Variants in LRP1B observed in about 807,000 individuals in gnomAD.
The protein encoded by LRP1B is LDL receptor related protein 1B.
In LRP1B, 217 loss-of-function variants were observed where a neutral mutation model predicts 556.6. The ratio of observed to expected loss-of-function variants is 0.39; its 90% CI spans 0.35 to 0.44. The LOEUF is 0.44. Among genes scored for constraint, LRP1B ranks in the 20% least tolerant of loss-of-function variants. The probability of loss-of-function intolerance (pLI) is 1.00; values close to 1 mark genes in which losing one functional copy is unlikely to be tolerated. For missense variants in LRP1B, 5,053 were observed against 5,620.8 expected (o/e 0.90, Z 3.23); for synonymous variants, 2,047 against 1,865.8 (o/e 1.10, Z -2.50).
intron 1 of LRP1B, among the ~76,000 whole-genome samples, chr2:142,004,727 T>A (rs1413263199): frequency 1.3e-5 from 2 of 151,416 alleles, no homozygotes; most frequent in Non-Finnish European, 2.9e-5. Flanking sequence ...GTGCCGGTAA[T>A]CCCAGCTACT....
chr2:140,731,710 G>A (rs1455215641), intron 35 of LRP1B, among the ~76,000 whole-genome samples: 1 of 139,552 alleles, frequency 7.2e-6, no homozygotes, highest in Non-Finnish European at 1.5e-5. Flanking sequence ...GGAGCTTGCA[G>A]TGAGCCGAGA....
At chr2:142,120,053 C>A (rs1178043143) in intron 1 of LRP1B, among the ~76,000 whole-genome samples, 3 of 136,338 alleles carry the variant, frequency 2.2e-5, no homozygotes, top group Admixed American at 1.5e-4. Context: ...ATCATAAACT[C>A]TTACCTGGTA....
chr2:141,117,599 C>G (rs747412787), intron 7 of LRP1B, among the ~76,000 whole-genome samples: 10 of 151,988 alleles, frequency 6.6e-5, no homozygotes, highest in Non-Finnish European at 1.5e-4. Context: ...TGATTTTTAA[C>G]TTCGTGGTTA....
chr2:140,595,216 A>T (rs1269508917), intron 43 of LRP1B, among the ~76,000 whole-genome samples: 1 of 148,688 alleles, frequency 6.7e-6, no homozygotes, highest in Non-Finnish European at 1.5e-5. Flanking sequence ...GCTTGAATGG[A>T]TTACAACAAT....
chr2:141,156,236 T>C (rs1457950509), intron 7 of LRP1B, among the ~76,000 whole-genome samples: 1 of 152,102 alleles, frequency 6.6e-6, no homozygotes, highest in East Asian at 1.9e-4. Context: ...AACCAAGAAG[T>C]AGGCTCTTCA....
At chr2:141,112,135 A>G (rs1400213187) in intron 7 of LRP1B, among the ~76,000 whole-genome samples, 1 of 152,096 alleles carries the variant, frequency 6.6e-6, no homozygotes, top group Non-Finnish European at 1.5e-5. Context: ...TGTGTGCCTA[A>G]TTTTTCCTGG....
chr2:140,679,025 C>T (rs575117963), intron 41 of LRP1B, among the ~76,000 whole-genome samples: 12 of 152,286 alleles, frequency 7.9e-5, no homozygotes, highest in African/African-American at 2.9e-4. Flanking sequence ...GATCCACCTG[C>T]CTCTGCCTCC....
At chr2:141,854,395 A>C (rs1466344039) in intron 1 of LRP1B, among the ~76,000 whole-genome samples, 1 of 152,088 alleles carries the variant, frequency 6.6e-6, no homozygotes, top group Non-Finnish European at 1.5e-5. Context: ...CATCTCTTTA[A>C]AATGTGACAA....
At chr2:140,248,891 AAT>A (rs368630942) in intron 86 of LRP1B, among the ~76,000 whole-genome samples, 1 of 151,176 alleles carries the variant, frequency 6.6e-6, no homozygotes, top group African/African-American at 2.4e-5. Flanking sequence ...TACCCCCGAG[AAT>A]ATGTCATATG....
intron 7 of LRP1B, among the ~76,000 whole-genome samples, chr2:141,131,687 C>T (rs919144342): frequency 3.3e-5 from 5 of 151,540 alleles, no homozygotes; most frequent in African/African-American, 1.2e-4. Flanking sequence ...AAAAAAGAGA[C>T]AGATTTACAT....
chr2:140,404,276 G>A (rs565764441), intron 66 of LRP1B, among the ~76,000 whole-genome samples: 20 of 144,194 alleles, frequency 1.4e-4, no homozygotes, highest in African/African-American at 4.7e-4. Flanking sequence ...CTGGGTTCAC[G>A]CCATTCTCCT....
intron 2 of LRP1B, among the ~76,000 whole-genome samples, chr2:141,750,909 C>A (rs7563452): frequency 0.53 from 79,671 of 151,666 alleles, 21,476 homozygotes; most frequent in African/African-American, 0.61. Flanking sequence ...CATTTTCAAA[C>A]TTTTTGAATG....
chr2:141,273,743 AG>A (rs1178897427), intron 3 of LRP1B, among the ~76,000 whole-genome samples: 2 of 152,232 alleles, frequency 1.3e-5, no homozygotes, highest in Non-Finnish European at 2.9e-5. Context: ...ACTTAACAAA[AG>A]TATTTATGCT....
chr2:141,803,833 G>T (rs1298764452), intron 2 of LRP1B, among the ~76,000 whole-genome samples: 1 of 151,992 alleles, frequency 6.6e-6, no homozygotes, highest in Non-Finnish European at 1.5e-5. Context: ...AATTATAAAA[G>T]GATTTCTATC....
chr2:141,084,986 C>G (rs1212620638), intron 7 of LRP1B, among the ~76,000 whole-genome samples: 1 of 152,038 alleles, frequency 6.6e-6, no homozygotes, highest in East Asian at 1.9e-4. Context: ...GGAGTAGAGC[C>G]ATGTTTTATG....
chr2:141,834,268 A>G (rs1383064732), intron 1 of LRP1B, among the ~76,000 whole-genome samples: 1 of 151,888 alleles, frequency 6.6e-6, no homozygotes, highest in African/African-American at 2.4e-5. Context: ...AACTTAATGA[A>G]CACTTCGGAG....
intron 3 of LRP1B, among the ~76,000 whole-genome samples, chr2:141,426,415 A>G (rs1489240430): frequency 1.3e-5 from 2 of 152,198 alleles, no homozygotes; most frequent in Admixed American, 6.5e-5. Flanking sequence ...TTTAACTGAA[A>G]TGCAGGTTTT....
intron 31 of LRP1B, among the ~76,000 whole-genome samples, chr2:140,837,952 A>T (rs118141298): frequency 0.02 from 3,020 of 152,286 alleles, 135 homozygotes; most frequent in East Asian, 0.17. Flanking sequence ...ATTAAAAAAA[A>T]ATATATCACT....
chr2:140,475,335 T>C lies in LRP1B; in HGVS notation c.9428A>G (p.Tyr3143Cys), dbSNP rs1469199687. The C allele has an allele frequency of 2.5e-6, 4 of 1,581,044 alleles. No individual in the cohort carries two copies. The highest frequency in any genetic ancestry group is 2.7e-5 in the African/African-American group (2 of 73,952). ...CTCGCAGCAGTCAATCCAATACAAA[T>C]ATCTAGGAAAGAAAATCAATACTGA... ...RDLSLDPQAG[Y>C]LYWIDCCEYP... Residue 3143 changes from tyrosine to cysteine, a missense_variant and splice_region_variant, in exon 60 of 91, where the codon TAT (tyrosine) becomes TGT (cysteine). This residue lies in a region of LRP1B where 3,619 missense variants were observed against 3,931.9 expected (regional missense o/e 0.92). Coordinates refer to ENST00000389484, the MANE Select transcript of LRP1B (RefSeq NM_018557.3).
Sources: allele counts gnomAD v4.1 joint callset (sites outside exome capture counted in the v4.1 genomes callset), GRCh38; gene constraint gnomAD v4.1.1; regional missense constraint gnomAD v4.1.1; transcripts MANE v1.5; gene names NCBI Gene and HGNC (gene_info 2026-07-23, HGNC 2026-07-21).